The following PKD1 variants were observed in gnomAD, a reference collection of about 807,000 sequenced individuals.
PKD1 encodes polycystin 1, transient receptor potential channel interacting.
In PKD1, 81 loss-of-function variants were observed where a neutral mutation model predicts 361.7. The observed-to-expected ratio is 0.22, with a 90% CI of 0.19 to 0.27. PKD1 has a LOEUF of 0.27. Ranked by LOEUF, PKD1 falls within the 10% of genes least tolerant of loss-of-function variation. The probability of loss-of-function intolerance (pLI) is 1.00; values close to 1 mark genes in which losing one functional copy is unlikely to be tolerated. For missense variants in PKD1, 6,399 were observed against 6,118.3 expected (o/e 1.05, Z -1.53); for synonymous variants, 3,615 against 2,818.3 (o/e 1.28, Z -8.95).
In PKD1 at chr16:2,106,247, C is replaced by T. The variant is rs2092331605; in HGVS notation, c.7547G>A (p.Arg2516His). Residue 2516 changes from arginine (R) to histidine (H), a missense_variant, in exon 19 of 46, where the codon CGC (arginine) becomes CAC (histidine). Coordinates refer to ENST00000262304, the MANE Select transcript of PKD1 (RefSeq NM_001009944.3). The surrounding 1 kb of genome is among the most constrained non-coding windows in gnomAD (Gnocchi z 6.5). ...CTCCTCGCAGTGGCCCTGGCGACAG[C>T]GCCGCAGCAGCAGGGCGTACACCAG... is the stretch of plus-strand genomic sequence containing the variant. ...APLVYALLLR[R>H]CRQGHCEEFC... 1 of 1,610,110 alleles carries T rather than the reference C, an allele frequency of 6.2e-7. No homozygotes were observed.
rs2092320124 is a variant in PKD1 at position 2,105,881 on chromosome 16, A to C, written c.7847T>G (p.Val2616Gly). ...TGCACTCACCTCGTTCAGCACGGTG[A>C]CCAGGGCCAACGAGTACTCGATGAC... ...QHVIEYSLAL[V>G]TVLNEYERAL... The change falls in exon 20 of 46, where the codon GTC becomes GGC. Residue 2616 changes from valine to glycine, a missense_variant. Val to Gly is a moderately radical substitution (Grantham distance 109, BLOSUM62 -3). Transcript: ENST00000262304. The C allele has an allele frequency of 6.3e-7, 1 of 1,596,058 alleles. No homozygotes were observed. Among genetic ancestry groups the C allele is most frequent in the Non-Finnish European group, 8.5e-7 (1 of 1,179,632 alleles).
At position 2,090,056 on chromosome 16, in the gene PKD1, C is replaced by T. The variant is rs1435599749; in HGVS notation, c.12583G>A (p.Asp4195Asn). 1.2e-6 allele frequency: 2 copies of T among 1,611,252 alleles called. No homozygotes were observed. Among genetic ancestry groups the T allele is most frequent in the African/African-American group, 1.3e-5 (1 of 74,914 alleles). ...SHPSTSSSQL[D>N]GLSVSLGRLG... is the part of the protein sequence containing the mutation. Reference sequence around the variant, plus strand: ...CGGCCCAGGCTCACGCTCAGCCCATCCAGCTGGCTGGAGGAGGTGGAGGGG... The same window carrying T: ...CGGCCCAGGCTCACGCTCAGCCCATTCAGCTGGCTGGAGGAGGTGGAGGGG... The change falls in exon 46 of 46, where the codon GAT (aspartate) becomes AAT (asparagine). Residue 4195 changes from aspartate (D) to asparagine (N), a missense_variant. Physicochemically the swap from Asp to Asn is conservative, Grantham distance 23. Transcript: ENST00000262304.
At position 2,092,203 on chromosome 16, in the gene PKD1, G is replaced by A. The variant is rs1567154328; in HGVS notation, c.11270-15C>T. ...TGGGTAGAGTGCTGAAACACACAGA[G>A]CCCCAGGCCGGGGCCAGGGCCTCAT... On this transcript the variant is annotated splice_polypyrimidine_tract_variant and intron_variant, in intron 39 of 45. Transcript: ENST00000262304. 1 of 1,578,784 alleles carries A rather than the reference G, an allele frequency of 6.3e-7. No homozygotes were observed. Among genetic ancestry groups the A allele is most frequent in the Admixed American group, 1.8e-5 (1 of 54,738 alleles).
intron 23 of PKD1, 87 bp from the exon 24 acceptor site, chr16:2,103,057 T>C: frequency 5.4e-6 from 8 of 1,472,806 alleles, no homozygotes; most frequent in East Asian, 2.3e-5. Flanking sequence ...GCCCACCCTC[T>C]GCCACGGGCC....
Position 2,089,057 on chromosome 16 carries a change from A to T in PKD1, c.*670T>A, listed in dbSNP as rs1465457113. On this transcript the variant is annotated 3_prime_UTR_variant, in exon 46 of 46. Coordinates refer to ENST00000262304, the MANE Select transcript of PKD1 (RefSeq NM_001009944.3). Reference sequence around the variant, plus strand: ...GCTACCTGGCCTGGGGCAAGGGAGGATGACAAGGCCTCTGGGGTGATGAGA... The same window carrying T: ...GCTACCTGGCCTGGGGCAAGGGAGGTTGACAAGGCCTCTGGGGTGATGAGA... The T allele has an allele frequency of 1.6e-5, 3 of 191,112 alleles. No individual in the cohort carries two copies. Among genetic ancestry groups the T allele is most frequent in the Non-Finnish European group, 3.3e-5 (3 of 91,224 alleles). The allele number at this position is 191,112 out of a possible 1,614,324, so 11.8% of individuals were successfully genotyped here.
Position 2,090,048 on chromosome 16 carries a change from C to T in PKD1, c.12591G>A (p.Leu4197=), listed in dbSNP as rs1406829980. ...PSTSSSQLDG[L]SVSLGRLGTR... Reference sequence around the variant, plus strand: ...TCCCCAGCCGGCCCAGGCTCACGCTCAGCCCATCCAGCTGGCTGGAGGAGG... The same window carrying T: ...TCCCCAGCCGGCCCAGGCTCACGCTTAGCCCATCCAGCTGGCTGGAGGAGG... Residue 4197 remains leucine, a synonymous_variant, in exon 46 of 46, where the codon CTG becomes CTA. Coordinates refer to ENST00000262304, the MANE Select transcript of PKD1 (RefSeq NM_001009944.3). The T allele has an allele frequency of 1.9e-6, 3 of 1,611,368 alleles. No individual in the cohort carries two copies. The South Asian group carries it at 3.3e-5, about 18-fold the overall frequency.
In PKD1 at chr16:2,091,106, G is replaced by A. The variant is rs959996624; in HGVS notation, c.11781C>T (p.Arg3927=). The stretch of plus-strand genomic sequence containing the variant: ...AGGCTCCGAGCCGCAGCACGCGCCA[G>A]CGCCCTTCCCTGTGCCAAGTACGGG... ...AEARTWHREG[R]WRVLRLGAWA... is the part of the protein sequence containing the mutation. Residue 3927 remains arginine (R), a synonymous_variant, in exon 43 of 46, where the codon CGC becomes CGT. Coordinates refer to ENST00000262304, the MANE Select transcript of PKD1 (RefSeq NM_001009944.3). 2.9e-5 allele frequency: 44 copies of A among 1,495,174 alleles called. No homozygotes were observed. The highest frequency in any genetic ancestry group is 1.0e-4 in the African/African-American group (7 of 69,046). 92.6% of individuals were successfully genotyped at this position (1,495,174 alleles called of 1,614,324 possible).
In PKD1 at chr16:2,102,921, G is replaced by A. The variant is rs770642785; in HGVS notation, c.8841C>T (p.His2947=). The A allele has an allele frequency of 2.4e-5, 38 of 1,609,234 alleles. No homozygotes were observed. Among genetic ancestry groups the A allele is most frequent in the Non-Finnish European group, 3.1e-5 (37 of 1,179,778 alleles). ...EPEPYLAVYL[H]SEPRPNEHNC... ...TGTGCTCATTGGGCCGGGGCTCCGA[G>A]TGTAGGTAGACTGCCAGGTAGGGCT... is the stretch of plus-strand genomic sequence containing the variant. The change falls in exon 24 of 46, where the codon CAC becomes CAT. Residue 2947 remains histidine, a synonymous_variant. Coordinates refer to ENST00000262304, the MANE Select transcript of PKD1 (RefSeq NM_001009944.3).
rs1317460552 is a variant in PKD1 at position 2,105,990 on chromosome 16, T to C, written c.7738A>G (p.Ser2580Gly). Residue 2580 changes from serine (S) to glycine (G), a missense_variant, in exon 20 of 46, where the codon AGC becomes GGC. Coordinates refer to ENST00000262304, the MANE Select transcript of PKD1 (RefSeq NM_001009944.3). ...AGCCAGACTGTGAGCCCCGTTGCGC[T>C]GCCGTTGGGCTCTGGGAGGGTGATG... The part of the protein sequence containing the change: ...LAITLPEPNG[S>G]ATGLTVWLHG... 4 of 1,603,754 alleles carry C rather than the reference T, an allele frequency of 2.5e-6. No homozygotes were observed. Among genetic ancestry groups the C allele is most frequent in the Non-Finnish European group, 2.5e-6 (3 of 1,179,646 alleles).
intron 37 of PKD1, 117 bp from the exon 38 acceptor site, chr16:2,093,210 A>T: frequency 7.9e-7 from 1 of 1,269,412 alleles, no homozygotes; most frequent in South Asian, 1.2e-5. Context: ...GTGAGCTGGC[A>T]GGGGGCGCCC....
In PKD1 at chr16:2,111,713, G is replaced by A. The variant is rs1220608863; in HGVS notation, c.3454C>T (p.Pro1152Ser). ...GTGTAAAGAACACCCCCAGGCGAGG[G>A]CAGCGGGTGCGGGTAGAAGGTGACG... The part of the protein sequence containing the change: ...RPVTFYPHPL[P>S]SPGGVLYTWD... Residue 1152 changes from proline to serine, a missense_variant, in exon 15 of 46, where the codon CCC (proline) becomes TCC (serine). Transcript: ENST00000262304. The A allele has an allele frequency of 4.4e-6, 7 of 1,589,358 alleles. 1 individual carries two copies. The highest frequency in any genetic ancestry group is 2.3e-5 in the South Asian group (2 of 88,432).
intron 1 of PKD1, among the ~76,000 whole-genome samples, chr16:2,133,771 C>A (rs2092916817): frequency 6.6e-6 from 1 of 151,068 alleles, no homozygotes; most frequent in South Asian, 2.1e-4. Context: ...ACTTGGGGGG[C>A]CTGGCATTCG....
chr16:2,100,465 T>C lies in PKD1; in HGVS notation c.9499A>G (p.Ile3167Val). The C allele has an allele frequency of 6.2e-7, 1 of 1,610,874 alleles. No homozygotes were observed. Among genetic ancestry groups the C allele is most frequent in the Non-Finnish European group, 8.5e-7 (1 of 1,179,698 alleles). ...DRAFHRNSLD[I>V]FRIATPHSLG... is the part of the protein sequence containing the mutation. Reference sequence around the variant, plus strand: ...CTGTGCGGGGTGGCGATCCGGAAGATGTCCAGGCTGTTGCGGTGGAAGGCT... The same window carrying C: ...CTGTGCGGGGTGGCGATCCGGAAGACGTCCAGGCTGTTGCGGTGGAAGGCT... The change falls in exon 27 of 46, where the codon ATC (isoleucine) becomes GTC (valine). Residue 3167 changes from isoleucine (I) to valine (V), a missense_variant. Physicochemically the swap from Ile to Val is conservative, Grantham distance 29. Transcript: ENST00000262304. The surrounding 1 kb of genome is among the most constrained non-coding windows in gnomAD (Gnocchi z 4.4).
rs552203240 is a variant in PKD1, at chr16:2,112,663, C to A, written c.3161+125G>T. 10 of 1,172,880 alleles carry A rather than the reference C, an allele frequency of 8.5e-6. No individual in the cohort carries two copies. The South Asian group carries it at 1.3e-4, about 15-fold the overall frequency. 72.7% of individuals were successfully genotyped at this position (1,172,880 alleles called of 1,614,324 possible). A position where few individuals can be genotyped will look rare whatever the true frequency, so the allele number is the denominator to read the frequency against. ...CTCAGGGCTCCTGTGCACCCAGTTA[C>A]CTCCCAACAGACAGGGAAACCGAGG... On this transcript the variant is annotated intron_variant, in intron 13 of 45. Transcript: ENST00000262304.
Position 2,110,071 on chromosome 16 carries a change from G to A in PKD1, c.5096C>T (p.Ala1699Val). 2.5e-6 allele frequency: 4 copies of A among 1,609,892 alleles called. No homozygotes were observed. The highest frequency in any genetic ancestry group is 3.4e-6 in the Non-Finnish European group (4 of 1,179,434). The change falls in exon 15 of 46, where the codon GCC (alanine) becomes GTC (valine). Residue 1699 changes from alanine (A) to valine (V), a missense_variant. By Grantham distance (64) the Ala-to-Val change is moderately conservative. Transcript: ENST00000262304. ...EAGTYHVQLR[A>V]TNMLGSAWAD... The stretch of plus-strand genomic sequence containing the variant: ...CCAGGCGCTGCCCAGCATGTTGGTG[G>A]CCCGCAGCTGCACATGGTAGGTGCC...
At chr16:2,095,846 A>T in intron 34 of PKD1, among the ~76,000 whole-genome samples, 1 of 152,142 alleles carries the variant, frequency 6.6e-6, no homozygotes, top group East Asian at 1.9e-4. Context: ...GATTTCACAG[A>T]GCTTTGGGCC....
At chr16:2,122,341 C>A (rs1490893990) in intron 1 of PKD1, among the ~76,000 whole-genome samples, 2 of 152,220 alleles carry the variant, frequency 1.3e-5, no homozygotes, top group African/African-American at 4.8e-5. Context: ...TATGCCTGTG[C>A]CCTGGGCTCC....
rs145737766 is a variant in PKD1 at position 2,111,096 on chromosome 16, C to A, written c.4071G>T (p.Leu1357=). 13,122 of 1,610,736 alleles carry A rather than the reference C, an allele frequency of 8.1e-3. 99 individuals are homozygous for A. Among genetic ancestry groups the A allele is most frequent in the Non-Finnish European group, 9.9e-3 (11,633 of 1,179,778 alleles). The change falls in exon 15 of 46, where the codon CTG becomes CTT. Residue 1357 remains leucine (L), a synonymous_variant. Coordinates refer to ENST00000262304, the MANE Select transcript of PKD1 (RefSeq NM_001009944.3). The part of the protein sequence containing the change: ...HNFTRSGTFP[L]ALVLSSRVNR... Reference sequence around the variant, plus strand: ...TCACGCGGCTGGACAGCACCAGCGCCAGGGGGAACGTGCCGCTCCGCGTGA... The same window carrying A: ...TCACGCGGCTGGACAGCACCAGCGCAAGGGGGAACGTGCCGCTCCGCGTGA...
chr16:2,134,210 T>C (rs2092922661), intron 1 of PKD1, among the ~76,000 whole-genome samples: 1 of 125,116 alleles, frequency 8.0e-6, no homozygotes, highest in Non-Finnish European at 1.6e-5. Flanking sequence ...GCAGGAGCAA[T>C]GTGGCCCCGA....
Sources: gnomAD v4.1 joint callset for allele counts (sites outside exome capture counted in the v4.1 genomes callset) on GRCh38, gnomAD v4.1.1 for gene constraint, Gnocchi (gnomAD v3.1) non-coding constraint, MANE v1.5 for transcripts, NCBI Gene and HGNC (gene_info 2026-07-23, HGNC 2026-07-21) for gene names.